DOCK4: variants seen among roughly 807,000 people sequenced by gnomAD.
The protein encoded by DOCK4 is dedicator of cytokinesis protein 4.
In DOCK4, 97 loss-of-function variants were observed where a neutral mutation model predicts 268.1. That is an observed-to-expected ratio of 0.36 (90% CI 0.31 to 0.43). DOCK4 has a LOEUF of 0.43. Among genes scored for constraint, DOCK4 ranks in the 20% least tolerant of loss-of-function variants. DOCK4 has a pLI of 1.00. For missense variants in DOCK4, 2,145 were observed against 2,455.7 expected (o/e 0.87, Z 2.67); for synonymous variants, 954 against 887.2 (o/e 1.08, Z -1.34).
At chr7:111,936,715 A>C (rs1005456405) in intron 11 of DOCK4, among the ~76,000 whole-genome samples, 3 of 152,214 alleles carry the variant, frequency 2.0e-5, no homozygotes, top group African/African-American at 7.2e-5. Flanking sequence ...CTGAACATCA[A>C]GATTCTGTAC....
At chr7:111,740,589 C>G (rs190487529) in intron 47 of DOCK4, among the ~76,000 whole-genome samples, 1 of 150,128 alleles carries the variant, frequency 6.7e-6, no homozygotes, top group Non-Finnish European at 1.5e-5. Flanking sequence ...AAAAATTAGT[C>G]GGGCGTGGTG....
chr7:111,961,357 T>C (rs967461776), intron 8 of DOCK4, among the ~76,000 whole-genome samples: 1 of 152,200 alleles, frequency 6.6e-6, no homozygotes, highest in East Asian at 1.9e-4. Flanking sequence ...GATTCAACTT[T>C]AAACCTCTAC....
At chr7:111,779,102 T>C (rs978709320) in intron 35 of DOCK4, among the ~76,000 whole-genome samples, 7 of 150,042 alleles carry the variant, frequency 4.7e-5, no homozygotes, top group Non-Finnish European at 1.0e-4. Flanking sequence ...AAAGCAAAAA[T>C]CTCTAAGACA....
chr7:111,820,678 A>C (rs1018215075), intron 27 of DOCK4: 4 of 152,220 alleles, frequency 2.6e-5, no homozygotes, highest in African/African-American at 4.8e-5. Flanking sequence ...GCTTAAGCAG[A>C]AATTGTATAT....
intron 26 of DOCK4, among the ~76,000 whole-genome samples, chr7:111,834,013 T>G (rs143567752): frequency 2.0e-5 from 3 of 152,194 alleles, no homozygotes; most frequent in African/African-American, 7.2e-5. Flanking sequence ...AGTGAAACCA[T>G]GAAGGATGCA....
intron 1 of DOCK4, among the ~76,000 whole-genome samples, chr7:112,173,518 G>C (rs1818252004): frequency 6.6e-6 from 1 of 152,134 alleles, no homozygotes; most frequent in Non-Finnish European, 1.5e-5. Context: ...AAGTGGCTTT[G>C]AGGCCTGTGC....
At chr7:111,784,474 T>C in intron 32 of DOCK4, 1 of 510,568 alleles carries the variant, frequency 2.0e-6, no homozygotes, top group Middle Eastern at 3.0e-4. Flanking sequence ...ACGTTTTGCG[T>C]TTTTTCCTTT....
chr7:111,917,830 G>A (rs1442992104), intron 12 of DOCK4, among the ~76,000 whole-genome samples: 1 of 152,144 alleles, frequency 6.6e-6, no homozygotes, highest in East Asian at 1.9e-4. Context: ...CACAGATCAT[G>A]TGCAAGTCAT....
At chr7:111,761,596 C>T (rs949604360) in intron 39 of DOCK4, among the ~76,000 whole-genome samples, 7 of 152,066 alleles carry the variant, frequency 4.6e-5, no homozygotes, top group African/African-American at 1.7e-4. Context: ...TGTTTTTCCG[C>T]TCTATGAGGT....
intron 8 of DOCK4, among the ~76,000 whole-genome samples, chr7:111,974,717 T>G (rs1798036143): frequency 6.6e-6 from 1 of 151,884 alleles, no homozygotes; most frequent in South Asian, 2.1e-4. Flanking sequence ...ACACAGCTCC[T>G]GGCTTGAACT....
At chr7:111,974,998 G>A (rs1436394582) in intron 8 of DOCK4, among the ~76,000 whole-genome samples, 4 of 152,218 alleles carry the variant, frequency 2.6e-5, no homozygotes, top group African/African-American at 9.6e-5. Context: ...AGGCACAGTG[G>A]CTCATGCCTA....
At chr7:111,839,459 A>G (rs1280017342) in intron 25 of DOCK4, among the ~76,000 whole-genome samples, 2 of 152,232 alleles carry the variant, frequency 1.3e-5, no homozygotes, top group African/African-American at 2.4e-5. Context: ...GAAAAATGAC[A>G]TATTATTTGC....
intron 1 of DOCK4, among the ~76,000 whole-genome samples, chr7:112,156,981 T>TAAA (rs36104436): frequency 0.69 from 104,546 of 151,742 alleles, 36,289 homozygotes; most frequent in East Asian, 0.85. Context: ...TTTTAAAAGT[T>TAAA]AACATACGTG....
intron 17 of DOCK4, among the ~76,000 whole-genome samples, chr7:111,873,348 AT>A (rs1321552267): frequency 1.3e-5 from 2 of 152,226 alleles, no homozygotes; most frequent in Admixed American, 6.5e-5. Context: ...GTCTCCATGC[AT>A]TATTAGTCTC....
At chr7:112,146,483 G>T (rs1311642140) in intron 1 of DOCK4, among the ~76,000 whole-genome samples, 4 of 152,204 alleles carry the variant, frequency 2.6e-5, no homozygotes, top group Admixed American at 6.5e-5. Context: ...TGTAATCCCA[G>T]CATTTTGGGA....
intron 52 of DOCK4, among the ~76,000 whole-genome samples, chr7:111,729,917 G>C (rs1268308049): frequency 6.6e-6 from 1 of 152,228 alleles, no homozygotes; most frequent in Admixed American, 6.5e-5. Context: ...ACCTAATTTA[G>C]TTAATTTTTA....
chr7:112,154,434 T>C (rs1232309258), intron 1 of DOCK4, among the ~76,000 whole-genome samples: 1 of 152,204 alleles, frequency 6.6e-6, no homozygotes, highest in Non-Finnish European at 1.5e-5. Context: ...GTTTGACTCC[T>C]TTTTCTTTGC....
rs529043791 is a variant in DOCK4, at chr7:111,729,479, T to C, written c.5482-759A>G. On this transcript the variant is annotated intron_variant, in intron 52 of 52. Coordinates refer to ENST00000428084, the MANE Select transcript of DOCK4 (RefSeq NM_001363540.2). The stretch of plus-strand genomic sequence containing the variant: ...GGAGGATCACCTGAACCTTGGGAGG[T>C]TGAGACTGCAGTGAGCCGTGGAGCC... Among the ~76,000 whole-genome samples, 91 of 151,436 alleles carry C rather than the reference T, an allele frequency of 6.0e-4. 2 individuals carry two copies. The South Asian group carries it at 0.014, about 23-fold the overall frequency.
intron 49 of DOCK4, among the ~76,000 whole-genome samples, chr7:111,737,941 T>G (rs1795618876): frequency 6.6e-6 from 1 of 152,180 alleles, no homozygotes; most frequent in African/African-American, 2.4e-5. Flanking sequence ...ACCCTGGGAC[T>G]TTCGGGAGGA....
Sources: gnomAD v4.1 joint callset for allele counts (sites outside exome capture counted in the v4.1 genomes callset) on GRCh38, gnomAD v4.1.1 for gene constraint, MANE v1.5 for transcripts, NCBI Gene and HGNC (gene_info 2026-07-23, HGNC 2026-07-21) for gene names.